The following OTUD7A variants were observed in gnomAD, a reference collection of about 807,000 sequenced individuals.
The protein encoded by OTUD7A is OTU deubiquitinase 7A.
In OTUD7A, 12 loss-of-function variants were observed where a neutral mutation model predicts 65.7. The observed-to-expected ratio is 0.18, with a 90% confidence interval of 0.12 to 0.30. The LOEUF is 0.30. Ranked by LOEUF, OTUD7A falls within the 10% of genes least tolerant of loss-of-function variation. OTUD7A has a pLI of 1.00. For missense variants in OTUD7A, 1,148 were observed against 1,304.8 expected (o/e 0.88, Z 1.85); for synonymous variants, 641 against 586.3 (o/e 1.09, Z -1.35).
At chr15:31,752,627 A>G (rs1894668792) in intron 1 of OTUD7A, among the ~76,000 whole-genome samples, 1 of 152,200 alleles carries the variant, frequency 6.6e-6, no homozygotes, top group Non-Finnish European at 1.5e-5. Context: ...ATGTTGACAT[A>G]CTATATATTA....
At chr15:31,599,104 C>G (rs554689192) in intron 3 of OTUD7A, among the ~76,000 whole-genome samples, 7 of 152,316 alleles carry the variant, frequency 4.6e-5, no homozygotes, top group African/African-American at 1.7e-4. Context: ...ATATCCCTGC[C>G]TGACGGCTCT....
intron 1 of OTUD7A, among the ~76,000 whole-genome samples, chr15:31,841,789 TC>T (rs1285306976): frequency 4.6e-5 from 7 of 152,278 alleles, no homozygotes; most frequent in Admixed American, 3.9e-4. Context: ...GAAACCTTAT[TC>T]TAGCTTCTAC....
At chr15:31,750,097 T>C (rs558717038) in intron 1 of OTUD7A, among the ~76,000 whole-genome samples, 5 of 152,250 alleles carry the variant, frequency 3.3e-5, no homozygotes, top group Non-Finnish European at 5.9e-5. Context: ...TGCTCATGAA[T>C]TGGATGAATC....
chr15:31,765,954 G>T, intron 1 of OTUD7A: 1 of 1,361,120 alleles, frequency 7.3e-7, no homozygotes, highest in Non-Finnish European at 1.0e-6. Flanking sequence ...TAAAAGTTCT[G>T]CAATTGCAGC....
At chr15:31,724,518 T>C (rs1029512849) in intron 1 of OTUD7A, among the ~76,000 whole-genome samples, 1 of 152,218 alleles carries the variant, frequency 6.6e-6, no homozygotes, top group East Asian at 1.9e-4. Flanking sequence ...ACATTTATCA[T>C]ACACAATATG....
intron 1 of OTUD7A, among the ~76,000 whole-genome samples, chr15:31,795,053 C>T (rs1895916742): frequency 6.6e-6 from 1 of 152,160 alleles, no homozygotes; most frequent in Non-Finnish European, 1.5e-5. Flanking sequence ...TCTCATTATG[C>T]TTTTAATATT....
intron 3 of OTUD7A, among the ~76,000 whole-genome samples, chr15:31,623,451 A>T (rs1429747029): frequency 6.6e-6 from 1 of 152,194 alleles, no homozygotes; most frequent in Non-Finnish European, 1.5e-5. Flanking sequence ...TACCTACTCA[A>T]GCCTGAGCAA....
At chr15:31,857,715 C>T (rs1897613546) in intron 1 of OTUD7A, among the ~76,000 whole-genome samples, 1 of 152,226 alleles carries the variant, frequency 6.6e-6, no homozygotes, top group Non-Finnish European at 1.5e-5. Context: ...TTGGCTTTCC[C>T]TTGCTCTGCT....
chr15:31,685,355 C>T (rs1892811000), intron 1 of OTUD7A, among the ~76,000 whole-genome samples: 1 of 152,082 alleles, frequency 6.6e-6, no homozygotes, highest in South Asian at 2.1e-4. Flanking sequence ...CTTAAAAATC[C>T]CAGTTACTGG....
At position 31,758,241 on chromosome 15, in the gene OTUD7A, TCACACACA is replaced by T. The variant is rs145396893; in HGVS notation, c.-99-101172_-99-101165del. Among the ~76,000 whole-genome samples the T allele has an allele frequency of 2.7e-5, 4 of 150,288 alleles. No homozygotes were observed. The South Asian group carries it at 8.4e-4, about 32-fold the overall frequency. On this transcript the variant is annotated intron_variant, in intron 1 of 12. Coordinates refer to ENST00000307050, the MANE Select transcript of OTUD7A (RefSeq NM_001382637.1). The stretch of plus-strand genomic sequence containing the variant: ...ATAAAGGGAAATACCAACATGTCTG[TCACACACA>T]CACACACACAAAATCAAACACACAA...
At chr15:31,869,902 T>C (rs566263786) in intron 1 of OTUD7A, among the ~76,000 whole-genome samples, 2 of 152,084 alleles carry the variant, frequency 1.3e-5, no homozygotes, top group Non-Finnish European at 2.9e-5. Flanking sequence ...AGTGAGGAGA[T>C]ACTAGGGAAG....
At chr15:31,839,447 G>A (rs1897132891) in intron 1 of OTUD7A, among the ~76,000 whole-genome samples, 1 of 152,192 alleles carries the variant, frequency 6.6e-6, no homozygotes, top group Non-Finnish European at 1.5e-5. Context: ...CCAACAGGAT[G>A]AGGGCTCACA....
chr15:31,489,009 C>A (rs2041280026), intron 10 of OTUD7A, among the ~76,000 whole-genome samples: 1 of 152,214 alleles, frequency 6.6e-6, no homozygotes, highest in South Asian at 2.1e-4. Flanking sequence ...CGTGGCCACC[C>A]TTTCCAGATC....
In OTUD7A at chr15:31,577,819, T is replaced by TAA. The variant is rs36055987; in HGVS notation, c.152-7624_152-7623dup. Among the ~76,000 whole-genome samples the TAA allele has an allele frequency of 3.7e-3, 525 of 141,204 alleles. 3 individuals carry two copies. The highest frequency in any genetic ancestry group is 5.3e-3 in the African/African-American group (207 of 38,890). The allele number at this position is 141,204 out of a possible 152,430, so 92.6% of individuals were successfully genotyped here. ...ACTTATACATTTGATTTGATTCCAG[T>TAA]AAAAAAAAAAAAAAACAACACAGAA... is the stretch of plus-strand genomic sequence containing the variant. On this transcript the variant is annotated intron_variant, in intron 3 of 12. Coordinates refer to ENST00000307050, the MANE Select transcript of OTUD7A (RefSeq NM_001382637.1).
intron 2 of OTUD7A, among the ~76,000 whole-genome samples, chr15:31,655,873 G>A (rs1891976977): frequency 1.3e-5 from 2 of 152,200 alleles, no homozygotes; most frequent in East Asian, 1.9e-4. Flanking sequence ...ATCCTCTTCC[G>A]AATTGTATAG....
intron 3 of OTUD7A, among the ~76,000 whole-genome samples, chr15:31,651,770 C>G (rs955676852): frequency 1.3e-5 from 2 of 152,066 alleles, no homozygotes; most frequent in Non-Finnish European, 2.9e-5. Context: ...ACCCCGCCCC[C>G]CAATACACAT....
intron 3 of OTUD7A, among the ~76,000 whole-genome samples, chr15:31,610,617 A>ATATATATATTTTTTTTTTT: frequency 3.3e-5 from 1 of 30,562 alleles, no homozygotes; most frequent in African/African-American, 1.7e-4. Flanking sequence ...ATATATATAT[A>ATATATATATTTTTTTTTTT]TTTTTTTTTT....
At chr15:31,592,518 A>G (rs1042730621) in intron 3 of OTUD7A, among the ~76,000 whole-genome samples, 6 of 152,126 alleles carry the variant, frequency 3.9e-5, no homozygotes, top group African/African-American at 1.4e-4. Context: ...GCCATCTCTT[A>G]TAACAATGTC....
At chr15:31,529,981 G>C (rs1164781988) in intron 6 of OTUD7A, among the ~76,000 whole-genome samples, 1 of 152,172 alleles carries the variant, frequency 6.6e-6, no homozygotes, top group Non-Finnish European at 1.5e-5. Flanking sequence ...ATATAACGCT[G>C]GGCCTAAAGG....
Sources: allele counts gnomAD v4.1 joint callset (sites outside exome capture counted in the v4.1 genomes callset), GRCh38; gene constraint gnomAD v4.1.1; transcripts MANE v1.5; gene names NCBI Gene and HGNC (gene_info 2026-07-23, HGNC 2026-07-21).